Variants in COL23A1 observed in about 807,000 individuals in gnomAD.
COL23A1 encodes collagen alpha-1(XXIII) chain.
In COL23A1, 97 loss-of-function variants were observed where a neutral mutation model predicts 99.3. That is an observed-to-expected ratio of 0.98 (90% CI 0.83 to 1.16). The LOEUF is 1.16. COL23A1 is among the 50% of genes most tolerant of loss of function. The probability of loss-of-function intolerance (pLI) is 0.00; values close to 1 mark genes in which losing one functional copy is unlikely to be tolerated. For missense variants in COL23A1, 762 were observed against 757.4 expected (o/e 1.01, Z -0.07); for synonymous variants, 320 against 308.2 (o/e 1.04, Z -0.40).
intron 2 of COL23A1, among the ~76,000 whole-genome samples, chr5:178,451,573 C>G (rs897332243): frequency 1.4e-5 from 2 of 147,384 alleles, no homozygotes; most frequent in Admixed American, 1.4e-4. Flanking sequence ...AGGAAAATTG[C>G]TTGAACCCGG....
Position 178,586,287 on chromosome 5 carries a change from A to AG in COL23A1, c.294+3616_294+3617insC, listed in dbSNP as rs542748684. ...TTTTCCTGTCTGTTATCATATTTGC[A>AG]TACATGGGAGCTGTGACCACACTAT... On this transcript the variant is annotated intron_variant, in intron 1 of 28. Coordinates refer to ENST00000390654, the MANE Select transcript of COL23A1 (RefSeq NM_173465.4). 1.3e-3 allele frequency among the ~76,000 whole-genome samples: 200 copies of AG among 152,322 alleles called. 1 individual carries two copies. The highest frequency in any genetic ancestry group is 4.1e-3 in the African/African-American group (172 of 41,572).
rs575202935 is a variant in COL23A1 at position 178,365,069 on chromosome 5, C to T, written c.362-58150G>A. On this transcript the variant is annotated intron_variant, in intron 2 of 28. Coordinates refer to ENST00000390654, the MANE Select transcript of COL23A1 (RefSeq NM_173465.4). This position sits in a 1 kb window ranked among gnomAD's most constrained non-coding sequence, Gnocchi z 5.2. ...GCAGATACAGCAGTAAAGAATAAAC[C>T]GTAGGGGCAATAACAATCTCTTTGT... 8.6e-5 allele frequency among the ~76,000 whole-genome samples: 13 copies of T among 152,036 alleles called. No homozygotes were observed. In the East Asian group the frequency reaches 1.7e-3, roughly 20 times the overall value.
chr5:178,268,031 G>A (rs1561808144), intron 7 of COL23A1, among the ~76,000 whole-genome samples: 1 of 152,176 alleles, frequency 6.6e-6, no homozygotes, highest in Non-Finnish European at 1.5e-5. Context: ...GCCTCCCCAC[G>A]GCTCCCGCAG....
chr5:178,545,464 T>C (rs1293169723), intron 2 of COL23A1, among the ~76,000 whole-genome samples: 1 of 152,000 alleles, frequency 6.6e-6, no homozygotes, highest in Non-Finnish European at 1.5e-5. Flanking sequence ...CTGAAAAGAA[T>C]GAAAAGAACA....
At chr5:178,433,083 C>T (rs962896607) in intron 2 of COL23A1, among the ~76,000 whole-genome samples, 1 of 152,074 alleles carries the variant, frequency 6.6e-6, no homozygotes, top group Non-Finnish European at 1.5e-5. Flanking sequence ...CTTCCTCCAA[C>T]ACCAACCAGA....
At chr5:178,393,726 C>T (rs988449219) in intron 2 of COL23A1, among the ~76,000 whole-genome samples, 4 of 151,564 alleles carry the variant, frequency 2.6e-5, no homozygotes, top group African/African-American at 9.7e-5. Context: ...ACCTCCACCT[C>T]CCGGGCTCAA....
chr5:178,485,753 G>A (rs1757589705), intron 2 of COL23A1, among the ~76,000 whole-genome samples: 1 of 136,074 alleles, frequency 7.3e-6, no homozygotes, highest in Non-Finnish European at 1.5e-5. Flanking sequence ...TTGCACTCCA[G>A]CCTGGGTGAC....
At chr5:178,265,859 ACTCCTT>A (rs1022088441) in intron 8 of COL23A1, 3 of 201,582 alleles carry the variant, frequency 1.5e-5, no homozygotes, top group African/African-American at 7.1e-5. Context: ...AGGTGTGCAG[ACTCCTT>A]CTCCAAGGAT....
Position 178,434,894 on chromosome 5 carries a change from G to A in COL23A1, c.361+125788C>T, listed in dbSNP as rs1401066297. The stretch of plus-strand genomic sequence containing the variant: ...GGCAGGCATCCACTTCTGAACCCTC[G>A]GTCTCAGCCCTTGCAGGGCAGCCCA... On this transcript the variant is annotated intron_variant, in intron 2 of 28. Transcript: ENST00000390654. The surrounding 1 kb of genome is among the most constrained non-coding windows in gnomAD (Gnocchi z 4.3). 2.0e-5 allele frequency among the ~76,000 whole-genome samples: 3 copies of A among 152,172 alleles called. No homozygotes were observed. Among genetic ancestry groups the A allele is most frequent in the African/African-American group, 4.8e-5 (2 of 41,438 alleles).
intron 20 of COL23A1, 34 bp downstream of exon 20, chr5:178,248,158 T>TG (rs757709499): frequency 1.4e-6 from 2 of 1,458,934 alleles, no homozygotes; most frequent in Non-Finnish European, 1.9e-6. Flanking sequence ...GACTGGGTGT[T>TG]GGGGGAAGCC....
chr5:178,455,059 G>A (rs1461697423), intron 2 of COL23A1, among the ~76,000 whole-genome samples: 2 of 152,200 alleles, frequency 1.3e-5, no homozygotes, highest in Non-Finnish European at 1.5e-5. Flanking sequence ...CGGTGGCCAC[G>A]CAGTCTTGTC....
At chr5:178,419,807 G>A (rs946091142) in intron 2 of COL23A1, among the ~76,000 whole-genome samples, 3 of 152,162 alleles carry the variant, frequency 2.0e-5, no homozygotes, top group African/African-American at 7.2e-5. Flanking sequence ...CAATCCCAGC[G>A]GCCATCCTTC....
At position 178,310,824 on chromosome 5, in the gene COL23A1, C is replaced by T. The variant is rs1758631414; in HGVS notation, c.362-3905G>A. 6.6e-6 allele frequency among the ~76,000 whole-genome samples: 1 copy of T among 152,056 alleles called. No homozygotes were observed. Among genetic ancestry groups the T allele is most frequent in the Non-Finnish European group, 1.5e-5 (1 of 68,016 alleles). The stretch of plus-strand genomic sequence containing the variant: ...AGGCCTTTGGCCAGGTGGTTGGCCT[C>T]AGAGTTTTTGCTTGTTTCTTGTTTT... On this transcript the variant is annotated intron_variant, in intron 2 of 28. Coordinates refer to ENST00000390654, the MANE Select transcript of COL23A1 (RefSeq NM_173465.4). The surrounding 1 kb of genome is among the most constrained non-coding windows in gnomAD (Gnocchi z 4.3).
At chr5:178,364,818 T>A (rs893060281) in intron 2 of COL23A1, among the ~76,000 whole-genome samples, 1 of 151,900 alleles carries the variant, frequency 6.6e-6, no homozygotes, top group Admixed American at 6.6e-5. Flanking sequence ...GCACAGGGGC[T>A]CCCCCTCACC....
chr5:178,359,764 G>A (rs1261327341), intron 2 of COL23A1, among the ~76,000 whole-genome samples: 1 of 152,206 alleles, frequency 6.6e-6, no homozygotes, highest in Admixed American at 6.5e-5. Flanking sequence ...GGGGGCCCAG[G>A]CCACTTCTTT....
chr5:178,379,891 A>G (rs28710372), intron 2 of COL23A1, among the ~76,000 whole-genome samples: 3,347 of 152,018 alleles, frequency 0.022, 127 homozygotes, highest in African/African-American at 0.076. Flanking sequence ...CAAAAAAAAA[A>G]AAAAGAAAAG....
At chr5:178,550,880 A>G (rs1262912083) in intron 2 of COL23A1, among the ~76,000 whole-genome samples, 1 of 152,138 alleles carries the variant, frequency 6.6e-6, no homozygotes, top group African/African-American at 2.4e-5. Context: ...CTCCACTACA[A>G]TTAAACCTGA....
At chr5:178,247,594 C>T in intron 21 of COL23A1, 42 bp from the exon 22 acceptor site, 1 of 1,612,894 alleles carries the variant, frequency 6.2e-7, no homozygotes, top group Non-Finnish European at 8.5e-7. Flanking sequence ...GCTCCGGACC[C>T]TCTTGCAGTG....
intron 2 of COL23A1, among the ~76,000 whole-genome samples, chr5:178,467,462 G>A (rs17589725): frequency 0.068 from 10,312 of 152,270 alleles, 487 homozygotes; most frequent in Non-Finnish European, 0.1. Context: ...TTCTTTAGCC[G>A]GACTACACGG....
Sources: gnomAD v4.1 joint callset for allele counts (sites outside exome capture counted in the v4.1 genomes callset) on GRCh38, gnomAD v4.1.1 for gene constraint, Gnocchi (gnomAD v3.1) non-coding constraint, MANE v1.5 for transcripts, NCBI Gene and HGNC (gene_info 2026-07-23, HGNC 2026-07-21) for gene names.